The following GLG1 variants were observed in gnomAD, a reference collection of about 807,000 sequenced individuals.
The protein encoded by GLG1 is golgi glycoprotein 1, also known as Golgi apparatus protein 1.
A neutral mutation model predicts 160.5 loss-of-function variants in GLG1; 38 were observed. That is an observed-to-expected ratio of 0.24 (90% CI 0.18 to 0.31). The LOEUF (loss-of-function observed/expected upper bound fraction) is 0.31. Among genes scored for constraint, GLG1 ranks in the 10% least tolerant of loss-of-function variants. The probability of loss-of-function intolerance (pLI) is 1.00; values close to 1 mark genes in which losing one functional copy is unlikely to be tolerated. For missense variants in GLG1, 1,373 were observed against 1,505.2 expected, an observed-to-expected ratio of 0.91 and a Z score of 1.45; for synonymous variants, 644 against 543.4, an observed-to-expected ratio of 1.19 and a Z score of -2.57.
intron 1 of GLG1, among the ~76,000 whole-genome samples, chr16:74,604,429 T>G (rs1383569293): frequency 6.6e-6 from 1 of 152,220 alleles, no homozygotes; most frequent in Non-Finnish European, 1.5e-5. Context: ...TGGATTTCAA[T>G]ATCTGCAGGA....
intron 23 of GLG1, among the ~76,000 whole-genome samples, chr16:74,459,279 C>G (rs1308120912): frequency 1.3e-5 from 2 of 152,132 alleles, no homozygotes. Context: ...GAGATCAAGA[C>G]CATTCTGGCT....
intron 1 of GLG1, among the ~76,000 whole-genome samples, chr16:74,590,795 C>CAAAAAAAAAAAA (rs71158529): frequency 2.9e-5 from 2 of 68,952 alleles, no homozygotes; most frequent in Non-Finnish European, 5.2e-5. Flanking sequence ...GAAACTGTCT[C>CAAAAAAAAAAAA]AAAAAAAAAA....
Position 74,523,870 on chromosome 16 carries a change from C to G in GLG1, c.471+8251G>C, listed in dbSNP as rs145525414. On this transcript the variant is annotated intron_variant, in intron 2 of 25. Transcript: ENST00000422840. ...GGATTTTCTATTTATATAATTACCT[C>G]ATCTGTAAATAATGACAATTTATGA... 4.7e-3 allele frequency among the ~76,000 whole-genome samples: 722 copies of G among 152,156 alleles called. 3 individuals are homozygous for G. Among genetic ancestry groups the G allele is most frequent in the Non-Finnish European group, 7.4e-3 (505 of 68,014 alleles).
chr16:74,570,507 T>C (rs1405572890), intron 1 of GLG1, among the ~76,000 whole-genome samples: 1 of 104,280 alleles, frequency 9.6e-6, no homozygotes, highest in African/African-American at 4.2e-5. Flanking sequence ...TAAAATTCTA[T>C]ACTGTGATGG....
chr16:74,574,867 G>T (rs1039375643), intron 1 of GLG1, among the ~76,000 whole-genome samples: 3 of 88,754 alleles, frequency 3.4e-5, no homozygotes, highest in African/African-American at 1.5e-4. Flanking sequence ...CTGGGTAAGA[G>T]AGCAAGACTC....
At chr16:74,579,956 T>C (rs201845200) in intron 1 of GLG1, among the ~76,000 whole-genome samples, 1 of 142,712 alleles carries the variant, frequency 7.0e-6, no homozygotes, top group Non-Finnish European at 1.5e-5. Context: ...CCAGCTACTC[T>C]GGAGGCTGAG....
intron 6 of GLG1, among the ~76,000 whole-genome samples, chr16:74,493,787 G>A (rs2016086421): frequency 6.6e-6 from 1 of 152,138 alleles, no homozygotes; most frequent in South Asian, 2.1e-4. Flanking sequence ...TGCCTAGAAA[G>A]CACATTGATT....
At position 74,576,923 on chromosome 16, in the gene GLG1, A is replaced by G. The variant is rs532341809; in HGVS notation, c.438+29734T>C. ...CTGCATATAAATTCTAACCACTCCT[A>G]ATTTTTTTTTTTTTTTTTTAGAGGC... On this transcript the variant is annotated intron_variant, in intron 1 of 25. Transcript: ENST00000422840. Among the ~76,000 whole-genome samples the G allele has an allele frequency of 1.2e-4, 12 of 102,618 alleles. No homozygotes were observed. In the East Asian group the frequency reaches 3.6e-3, roughly 31 times the overall value. The allele number at this position is 102,618 out of a possible 152,430, so 67.3% of individuals were successfully genotyped here. A position where few individuals can be genotyped will look rare whatever the true frequency, so the allele number is the denominator to read the frequency against.
intron 1 of GLG1, among the ~76,000 whole-genome samples, chr16:74,573,959 A>C (rs746390277): frequency 3.3e-5 from 5 of 150,898 alleles, no homozygotes; most frequent in Non-Finnish European, 7.4e-5. Flanking sequence ...ACACCCCACT[A>C]ATTTTTTGTA....
At chr16:74,497,434 CTTTTTTTT>C (rs773526380) in intron 4 of GLG1, among the ~76,000 whole-genome samples, 24 of 117,142 alleles carry the variant, frequency 2.0e-4, no homozygotes, top group Non-Finnish European at 3.7e-4. Flanking sequence ...ACAGTGCTTG[CTTTTTTTT>C]TTTTTTTTTT....
At chr16:74,606,150 G>A (rs1041089768) in intron 1 of GLG1, among the ~76,000 whole-genome samples, 1 of 152,204 alleles carries the variant, frequency 6.6e-6, no homozygotes, top group Admixed American at 6.5e-5. Context: ...ACCAAAGGAA[G>A]TGAAGAAAAC....
intron 2 of GLG1, among the ~76,000 whole-genome samples, chr16:74,518,446 G>A (rs1414498828): frequency 6.6e-6 from 1 of 152,072 alleles, no homozygotes; most frequent in African/African-American, 2.4e-5. Context: ...GTAAACAATG[G>A]GGAAAAGATT....
At chr16:74,556,153 T>C (rs559229747) in intron 1 of GLG1, among the ~76,000 whole-genome samples, 5 of 152,228 alleles carry the variant, frequency 3.3e-5, no homozygotes, top group Non-Finnish European at 7.3e-5. Flanking sequence ...GCCTACTTTA[T>C]ATTACAGTTA....
intron 24 of GLG1, among the ~76,000 whole-genome samples, chr16:74,457,259 TG>T (rs2014587849): frequency 6.6e-6 from 1 of 151,986 alleles, no homozygotes; most frequent in South Asian, 2.1e-4. Flanking sequence ...GAGCCAGGCA[TG>T]GTGGTGGGTG....
chr16:74,486,587 T>A (rs2143346459), intron 8 of GLG1, among the ~76,000 whole-genome samples: 1 of 152,354 alleles, frequency 6.6e-6, no homozygotes, highest in South Asian at 2.1e-4. Flanking sequence ...ATCATTTACT[T>A]TTCCATCTTG....
At chr16:74,495,078 G>A (rs1224519560) in intron 5 of GLG1, among the ~76,000 whole-genome samples, 1 of 150,838 alleles carries the variant, frequency 6.6e-6, no homozygotes, top group Non-Finnish European at 1.5e-5. Flanking sequence ...GTTAATTAGG[G>A]AACCAAGAGA....
intron 11 of GLG1, among the ~76,000 whole-genome samples, chr16:74,478,709 C>T (rs1439158396): frequency 3.3e-5 from 5 of 151,280 alleles, no homozygotes; most frequent in African/African-American, 1.2e-4. Context: ...GTCTGGAGTT[C>T]GAGACCAGCC....
At chr16:74,542,743 A>AGGG (rs2017919629) in intron 1 of GLG1, among the ~76,000 whole-genome samples, 1 of 12,826 alleles carries the variant, frequency 7.8e-5, no homozygotes, top group Non-Finnish European at 2.5e-4. Flanking sequence ...GGGAGGAAGG[A>AGGG]AGGAAGGAAG....
intron 1 of GLG1, among the ~76,000 whole-genome samples, chr16:74,594,070 C>T (rs1459184558): frequency 6.6e-6 from 1 of 151,954 alleles, no homozygotes; most frequent in Non-Finnish European, 1.5e-5. Flanking sequence ...CCATGTCTGG[C>T]TAATTTTTTT....
Sources: allele counts gnomAD v4.1 joint callset (sites outside exome capture counted in the v4.1 genomes callset), GRCh38; gene constraint gnomAD v4.1.1; transcripts MANE v1.5; gene names NCBI Gene and HGNC (gene_info 2026-07-23, HGNC 2026-07-21).